The following DUSP19 variants were observed in gnomAD, a reference collection of about 807,000 sequenced individuals.
DUSP19 encodes dual specificity phosphatase 19.
A neutral mutation model predicts 16.6 loss-of-function variants in DUSP19; 14 were observed. The observed-to-expected ratio is 0.84, with a 90% CI of 0.56 to 1.32. The LOEUF is 1.32. DUSP19 is among the 40% of genes most tolerant of loss of function. The pLI is 0.00. For missense variants in DUSP19, 258 were observed against 255.9 expected (o/e 1.01, Z -0.06); for synonymous variants, 81 against 90.5 (o/e 0.90, Z 0.59).
At chr2:183,091,328 C>A (rs145473309) in intron 3 of DUSP19, among the ~76,000 whole-genome samples, 1 of 151,946 alleles carries the variant, frequency 6.6e-6, no homozygotes, top group Non-Finnish European at 1.5e-5. Context: ...GGACAAAACG[C>A]CCATCAAAGC....
intron 2 of DUSP19, 72 bp downstream of exon 2, chr2:183,083,626 T>C (rs1699622433): frequency 2.3e-6 from 3 of 1,326,620 alleles, no homozygotes; most frequent in Non-Finnish European, 1.1e-6. Flanking sequence ...AAAAACTGTA[T>C]TGGTCCATCT....
rs1179572702 is a variant in DUSP19 at position 183,096,229 on chromosome 2, GTCT to G, written c.*579_*581del. On this transcript the variant is annotated 3_prime_UTR_variant, in exon 4 of 4. Transcript: ENST00000354221. ...ATGAAAAATATACACTTTTCATTTTGTCTTCTTCTTTTTTTTTCTTTTTTTAGA... is the reference window on the plus strand; with the variant it reads ...ATGAAAAATATACACTTTTCATTTTGTCTTCTTTTTTTTTCTTTTTTTAGA... 1 of 148,560 alleles carries G rather than the reference GTCT, an allele frequency of 6.7e-6. No homozygotes were observed. The allele number at this position is 148,560 out of a possible 1,614,324, so 9.2% of individuals were successfully genotyped here. A position where few individuals can be genotyped will look rare whatever the true frequency, so the allele number is the denominator to read the frequency against.
rs569279757 is a variant in DUSP19, at chr2:183,089,812, G to A, written c.426+2620G>A. ...TCCTAACCTCAGCCAATATTTCCCTGCCCTGAAAACTCAGTGCCATGACAC... is the reference window on the plus strand; with the variant it reads ...TCCTAACCTCAGCCAATATTTCCCTACCCTGAAAACTCAGTGCCATGACAC... On this transcript the variant is annotated intron_variant, in intron 3 of 3. Coordinates refer to ENST00000354221, the MANE Select transcript of DUSP19 (RefSeq NM_080876.4). Among the ~76,000 whole-genome samples, 128 of 152,294 alleles carry A rather than the reference G, an allele frequency of 8.4e-4. 4 individuals carry two copies. In the South Asian group the frequency reaches 0.025, roughly 30 times the overall value.
chr2:183,086,783 A>AT (rs1184508012), intron 2 of DUSP19, among the ~76,000 whole-genome samples: 1 of 152,002 alleles, frequency 6.6e-6, no homozygotes, highest in Non-Finnish European at 1.5e-5. Context: ...TGATTGCATC[A>AT]TTGCACTCCA....
In DUSP19 at chr2:183,096,209, A is replaced by G. The variant is rs1699799041; in HGVS notation, c.*551A>G. The G allele has an allele frequency of 6.6e-6, 1 of 152,074 alleles. No homozygotes were observed. The highest frequency in any genetic ancestry group is 2.4e-5 in the African/African-American group (1 of 41,384). The allele number at this position is 152,074 out of a possible 1,614,324, so 9.4% of individuals were successfully genotyped here. ...CAAAATTCTTATGTTCTCTTATGAAAAATATACACTTTTCATTTTGTCTTC... is the reference window on the plus strand; with the variant it reads ...CAAAATTCTTATGTTCTCTTATGAAGAATATACACTTTTCATTTTGTCTTC... On this transcript the variant is annotated 3_prime_UTR_variant, in exon 4 of 4. Coordinates refer to ENST00000354221, the MANE Select transcript of DUSP19 (RefSeq NM_080876.4).
intron 2 of DUSP19, among the ~76,000 whole-genome samples, chr2:183,084,073 A>C (rs2105497992): frequency 6.6e-6 from 1 of 152,320 alleles, no homozygotes; most frequent in South Asian, 2.1e-4. Flanking sequence ...GTTCACTTGA[A>C]GCGTATGACC....
rs553306019 is a variant in DUSP19 at position 183,097,097 on chromosome 2, C to G, written c.*1439C>G. The G allele has an allele frequency of 6.7e-6, 1 of 150,366 alleles. No individual in the cohort carries two copies. Among genetic ancestry groups the G allele is most frequent in the Non-Finnish European group, 1.5e-5 (1 of 67,844 alleles). The allele number at this position is 150,366 out of a possible 1,614,324, so 9.3% of individuals were successfully genotyped here. On this transcript the variant is annotated 3_prime_UTR_variant, in exon 4 of 4. Transcript: ENST00000354221. Reference sequence around the variant, plus strand: ...CTAGAGTGGAGTGGCATGAACACAACGCACTGCAGCCTCTACCTCCTGGGC... The same window carrying G: ...CTAGAGTGGAGTGGCATGAACACAAGGCACTGCAGCCTCTACCTCCTGGGC...
intron 2 of DUSP19, 122 bp downstream of exon 2, chr2:183,083,676 T>C: frequency 1.4e-6 from 1 of 724,278 alleles, no homozygotes; most frequent in Non-Finnish European, 2.1e-6. Context: ...ATTTTGGCTA[T>C]CATTTCAATA....
chr2:183,086,143 A>C (rs1699659255), intron 2 of DUSP19, among the ~76,000 whole-genome samples: 1 of 152,024 alleles, frequency 6.6e-6, no homozygotes, highest in Non-Finnish European at 1.5e-5. Context: ...TTTCAGCCAG[A>C]TTGGTTCATC....
intron 3 of DUSP19, among the ~76,000 whole-genome samples, chr2:183,093,790 C>G (rs1341367610): frequency 6.6e-6 from 1 of 152,080 alleles, no homozygotes; most frequent in Non-Finnish European, 1.5e-5. Context: ...GTAAAGCCGA[C>G]TAGTATATAA....
chr2:183,092,699 GTTTTTTTT>G (rs781697293), intron 3 of DUSP19, among the ~76,000 whole-genome samples: 5 of 119,158 alleles, frequency 4.2e-5, no homozygotes, highest in South Asian at 2.6e-4. Context: ...TTCTGCCCAA[GTTTTTTTT>G]TTTTTTTTTT....
In DUSP19 at chr2:183,079,130, T is replaced by C; in HGVS notation, c.197T>C (p.Val66Ala). ...YVQDLSSDLQ[V>A]GVIKPWLLLG... ...CAGGACCTTAGCTCGGACCTGCAAG[T>C]TGGCGTTATTAAGCCATGGTTGCTC... The change falls in exon 1 of 4, where the codon GTT becomes GCT. Residue 66 changes from valine to alanine, a missense_variant. Physicochemically the swap from Val to Ala is moderately conservative, Grantham distance 64. Coordinates refer to ENST00000354221, the MANE Select transcript of DUSP19 (RefSeq NM_080876.4). 6.2e-7 allele frequency: 1 copy of C among 1,613,996 alleles called. No individual in the cohort carries two copies. Among genetic ancestry groups the C allele is most frequent in the Admixed American group, 1.7e-5 (1 of 59,988 alleles).
intron 3 of DUSP19, among the ~76,000 whole-genome samples, chr2:183,090,925 C>T (rs1460800787): frequency 6.6e-6 from 1 of 152,170 alleles, no homozygotes; most frequent in Non-Finnish European, 1.5e-5. Context: ...GGAGGGCTGA[C>T]GGGGTGCTAT....
intron 3 of DUSP19, among the ~76,000 whole-genome samples, chr2:183,092,601 T>TG (rs913635798): frequency 7.9e-5 from 12 of 152,228 alleles, no homozygotes; most frequent in Non-Finnish European, 1.3e-4. Context: ...TAGTATTCCA[T>TG]GGGGTATATG....
chr2:183,088,388 G>GT, intron 3 of DUSP19, among the ~76,000 whole-genome samples: 1 of 139,822 alleles, frequency 7.2e-6, no homozygotes, highest in Admixed American at 7.2e-5. Context: ...TTTGTTTTTT[G>GT]TTTTTTGTGT....
intron 3 of DUSP19, among the ~76,000 whole-genome samples, chr2:183,092,072 A>G (rs1169468645): frequency 6.6e-6 from 1 of 152,152 alleles, no homozygotes; most frequent in Non-Finnish European, 1.5e-5. Context: ...ATATAAACCA[A>G]GACATTGCTT....
intron 1 of DUSP19, 135 bp from the exon 2 acceptor site, chr2:183,083,373 C>T: frequency 1.4e-6 from 1 of 699,966 alleles, no homozygotes; most frequent in South Asian, 2.5e-5. Flanking sequence ...ATCAAATTGC[C>T]CTTCAGAAAG....
chr2:183,079,030 GA>G lies in DUSP19; in HGVS notation c.100del (p.Thr34HisfsTer13), dbSNP rs1376325766. On this transcript the variant is annotated frameshift_variant, in exon 1 of 4. Transcript: ENST00000354221. LOFTEE classifies it high-confidence loss of function. Reference protein sequence around the residue: ...VTTLTGKKIIETWKDARIHVV... With the variant: ...VTTLTGKKIIXTWKDARIHVV... ...AACGCTAACTGGAAAGAAAATTATA[GA>G]AACATGGAAAGATGCCAGAATTCAT... 1 of 1,614,140 alleles carries G rather than the reference GA, an allele frequency of 6.2e-7. No individual in the cohort carries two copies. The highest frequency in any genetic ancestry group is 2.2e-5 in the East Asian group (1 of 44,888).
At chr2:183,079,763 A>G (rs1362044859) in intron 1 of DUSP19, among the ~76,000 whole-genome samples, 2 of 152,232 alleles carry the variant, frequency 1.3e-5, no homozygotes, top group Non-Finnish European at 2.9e-5. Flanking sequence ...CAAATGAAGC[A>G]AGGTTATAAA....
Sources: gnomAD v4.1 joint callset for allele counts (sites outside exome capture counted in the v4.1 genomes callset) on GRCh38, gnomAD v4.1.1 for gene constraint, MANE v1.5 for transcripts, NCBI Gene and HGNC (gene_info 2026-07-23, HGNC 2026-07-21) for gene names.